Variants in TMC1 observed in about 807,000 individuals in gnomAD.
The protein encoded by TMC1 is transmembrane channel-like protein 1.
In TMC1, 84 loss-of-function variants were observed where a neutral mutation model predicts 105.8. The observed-to-expected ratio is 0.79, with a 90% CI of 0.67 to 0.95. TMC1 has a LOEUF of 0.95. Among genes scored for constraint, TMC1 ranks in the 40% least tolerant of loss-of-function variants. TMC1 has a pLI of 0.00. For synonymous variants in TMC1, 315 were observed against 311.5 expected (o/e 1.01, Z -0.12); for missense variants, 817 against 914.1 (o/e 0.89, Z 1.37).
At chr9:72,809,320 G>T (rs957834459) in intron 18 of TMC1, among the ~76,000 whole-genome samples, 3 of 152,190 alleles carry the variant, frequency 2.0e-5, no homozygotes, top group Non-Finnish European at 4.4e-5. Flanking sequence ...TGGGTTAGTA[G>T]AAAGTACAGG....
chr9:72,642,994 AGCC>A, intron 4 of TMC1, among the ~76,000 whole-genome samples: 1 of 152,320 alleles, frequency 6.6e-6, no homozygotes, highest in East Asian at 1.9e-4. Context: ...TACTGTATGT[AGCC>A]TTTTGAGACA....
At chr9:72,725,668 A>C (rs1827110644) in intron 8 of TMC1, among the ~76,000 whole-genome samples, 1 of 151,632 alleles carries the variant, frequency 6.6e-6, no homozygotes. Context: ...TGCCTTCCCC[A>C]GCCCACTGAC....
chr9:72,618,022 CTTTTTTTTTTT>C (rs34497983), intron 3 of TMC1, among the ~76,000 whole-genome samples: 2 of 79,202 alleles, frequency 2.5e-5, no homozygotes, highest in Non-Finnish European at 4.6e-5. Flanking sequence ...CTGGGTACAT[CTTTTTTTTTTT>C]TTTTTTTTTT....
intron 1 of TMC1, among the ~76,000 whole-genome samples, chr9:72,525,064 A>C (rs1823382931): frequency 1.3e-5 from 2 of 152,224 alleles, no homozygotes; most frequent in South Asian, 4.1e-4. Flanking sequence ...GGACATAAGA[A>C]AGGGCATATT....
chr9:72,794,348 C>A (rs1001189496), intron 17 of TMC1, among the ~76,000 whole-genome samples: 1 of 150,918 alleles, frequency 6.6e-6, no homozygotes, highest in Non-Finnish European at 1.5e-5. Context: ...ACAGCCAGCT[C>A]TCAAGGGGGA....
intron 13 of TMC1, among the ~76,000 whole-genome samples, chr9:72,781,394 A>T (rs1252565536): frequency 6.6e-6 from 1 of 152,152 alleles, no homozygotes; most frequent in African/African-American, 2.4e-5. Flanking sequence ...ACTTAACATC[A>T]CATGTAGAGA....
At chr9:72,698,716 GA>G (rs1423497724) in intron 7 of TMC1, among the ~76,000 whole-genome samples, 2 of 152,176 alleles carry the variant, frequency 1.3e-5, no homozygotes, top group Admixed American at 1.3e-4. Flanking sequence ...GGGTTGAAAC[GA>G]AAACACTGTA....
intron 5 of TMC1, among the ~76,000 whole-genome samples, chr9:72,667,627 A>G (rs2132166018): frequency 6.6e-6 from 1 of 152,362 alleles, no homozygotes; most frequent in East Asian, 1.9e-4. Context: ...AATTGAGATA[A>G]TAACACACGC....
At chr9:72,807,134 T>C (rs1052957522) in intron 18 of TMC1, among the ~76,000 whole-genome samples, 2 of 152,060 alleles carry the variant, frequency 1.3e-5, no homozygotes, top group African/African-American at 4.8e-5. Flanking sequence ...GAGCCTGCAA[T>C]CGCAGGCACT....
chr9:72,757,950 A>G (rs1827698285), intron 12 of TMC1, among the ~76,000 whole-genome samples: 2 of 152,214 alleles, frequency 1.3e-5, no homozygotes, highest in Non-Finnish European at 2.9e-5. Context: ...TTTTATTATA[A>G]CAAAGAAGTA....
At chr9:72,552,509 G>A (rs747029476) in intron 1 of TMC1, among the ~76,000 whole-genome samples, 40 of 152,046 alleles carry the variant, frequency 2.6e-4, no homozygotes, top group Non-Finnish European at 4.9e-4. Flanking sequence ...TGTATTTGGG[G>A]GACACATCAC....
At chr9:72,600,128 G>A (rs958200707) in intron 2 of TMC1, among the ~76,000 whole-genome samples, 2 of 152,214 alleles carry the variant, frequency 1.3e-5, no homozygotes, top group African/African-American at 4.8e-5. Flanking sequence ...TTTAAGCTGA[G>A]TGGTGGCATG....
intron 3 of TMC1, 95 bp downstream of exon 3, chr9:72,616,572 G>A (rs535724356): frequency 1.3e-5 from 2 of 150,078 alleles, no homozygotes; most frequent in East Asian, 3.9e-4. Context: ...TACAATCAAG[G>A]TTGTGTTAGT....
intron 4 of TMC1, among the ~76,000 whole-genome samples, chr9:72,646,583 T>A (rs2132148128): frequency 6.6e-6 from 1 of 152,136 alleles, no homozygotes; most frequent in Middle Eastern, 3.4e-3. Context: ...CTGTTCATGT[T>A]TTTGCTCATC....
chr9:72,663,287 G>C (rs1001601780), intron 5 of TMC1, among the ~76,000 whole-genome samples: 4 of 152,158 alleles, frequency 2.6e-5, no homozygotes, highest in African/African-American at 9.7e-5. Flanking sequence ...GGTGGGTCCA[G>C]GTGGGGCCAC....
chr9:72,725,880 C>T (rs1285372925), intron 8 of TMC1, among the ~76,000 whole-genome samples: 1 of 151,900 alleles, frequency 6.6e-6, no homozygotes, highest in Non-Finnish European at 1.5e-5. Flanking sequence ...TTAGTAGAGA[C>T]AGGGTTTCAC....
Position 72,751,882 on chromosome 9 carries a change from C to A in TMC1, c.568C>A (p.Leu190Ile). Residue 190 changes from leucine (L) to isoleucine (I), a missense_variant, in exon 11 of 24, where the codon CTC becomes ATC. Transcript: ENST00000297784. ...QFGSSVASYF[L>I]FLRWMYGVNM... ...TGGCTCCTCAGTGGCCTCATACTTC[C>A]TCTTCTTGAGATGGATGTATGGAGT... The A allele has an allele frequency of 1.2e-6, 2 of 1,613,448 alleles. No individual in the cohort carries two copies. The highest frequency in any genetic ancestry group is 1.7e-6 in the Non-Finnish European group (2 of 1,179,552).
chr9:72,634,177 G>GGTGGAAGTTTCTGC (rs1413356537), intron 4 of TMC1, among the ~76,000 whole-genome samples: 2 of 152,102 alleles, frequency 1.3e-5, no homozygotes, highest in Admixed American at 1.3e-4. Context: ...TCAGTTTCTG[G>GGTGGAAGTTTCTGC]GTGGAAGTTT....
intron 1 of TMC1, among the ~76,000 whole-genome samples, chr9:72,552,392 A>T (rs1823872622): frequency 6.6e-6 from 1 of 152,122 alleles, no homozygotes; most frequent in Non-Finnish European, 1.5e-5. Flanking sequence ...AGCATTAAAG[A>T]CCTGTGGAAA....
Sources: allele counts gnomAD v4.1 joint callset (sites outside exome capture counted in the v4.1 genomes callset), GRCh38; gene constraint gnomAD v4.1.1; transcripts MANE v1.5; gene names NCBI Gene and HGNC (gene_info 2026-07-23, HGNC 2026-07-21).